The following SCRG1 variants were observed in gnomAD, a reference collection of about 807,000 sequenced individuals.
SCRG1 encodes stimulator of chondrogenesis 1, also known as scrapie-responsive protein 1.
In SCRG1, 3 loss-of-function variants were observed where a neutral mutation model predicts 7.7. That is an observed-to-expected ratio of 0.39 (90% CI 0.18 to 1.01). The LOEUF is 1.01. SCRG1 is among the 50% of genes least tolerant of loss of function. The pLI is 0.36. For synonymous variants in SCRG1, 46 were observed against 41.2 expected (o/e 1.12, Z -0.44); for missense variants, 110 against 117.2 (o/e 0.94, Z 0.28).
chr4:173,462,148 G>A, the SCRG1 span, among the ~76,000 whole-genome samples: 1 of 152,138 alleles, frequency 6.6e-6, no homozygotes, highest in Non-Finnish European at 1.5e-5. Context: ...TATTCAAACG[G>A]ATAATAGAAA....
chr4:173,429,227 G>T, the SCRG1 span, among the ~76,000 whole-genome samples: 9 of 152,218 alleles, frequency 5.9e-5, no homozygotes, highest in Non-Finnish European at 1.0e-4. Flanking sequence ...TTGCAAAACT[G>T]ATTTCAAGGA....
chr4:173,505,631 T>C, the SCRG1 span, among the ~76,000 whole-genome samples: 1 of 152,202 alleles, frequency 6.6e-6, no homozygotes, highest in Non-Finnish European at 1.5e-5. The surrounding 1 kb of genome is among the most constrained non-coding windows in gnomAD (Gnocchi z 4.4). Flanking sequence ...CCTTTCTTGC[T>C]TCCTAGGTTT....
At chr4:173,501,966 G>C in the SCRG1 span, among the ~76,000 whole-genome samples, 1 of 152,064 alleles carries the variant, frequency 6.6e-6, no homozygotes, top group Non-Finnish European at 1.5e-5. This position sits in a 1 kb window ranked among gnomAD's most constrained non-coding sequence, Gnocchi z 5.1. Context: ...GTTCTTTGGG[G>C]GATACAAGAC....
chr4:173,468,303 A>ATAGCCTAGGTATATTG, the SCRG1 span: 50 of 152,402 alleles, frequency 3.3e-4, no homozygotes, highest in African/African-American at 1.2e-3. Flanking sequence ...GCTATACTAT[A>ATAGCCTAGGTATATTG]TAGCCTAGGT....
At chr4:173,390,479 T>G (rs909013007) in intron 2 of SCRG1, among the ~76,000 whole-genome samples, 5 of 148,352 alleles carry the variant, frequency 3.4e-5, no homozygotes, top group Admixed American at 6.7e-5. Flanking sequence ...TTCGTTTTTT[T>G]TTTTTTTTTT....
Position 173,387,624 on chromosome 4 carries a change from G to A in SCRG1, c.*717C>T. ...GCCTCCCAAAATGCTAGGATTACAGGCATTAGTCACCAGTCCCAGCCTGAA... is the reference window on the plus strand; with the variant it reads ...GCCTCCCAAAATGCTAGGATTACAGACATTAGTCACCAGTCCCAGCCTGAA... On this transcript the variant is annotated 3_prime_UTR_variant, in exon 3 of 3. Transcript: ENST00000296506. 6.6e-6 allele frequency: 1 copy of A among 151,148 alleles called. No individual in the cohort carries two copies. Among genetic ancestry groups the A allele is most frequent in the Non-Finnish European group, 1.5e-5 (1 of 67,984 alleles). The allele number at this position is 151,148 out of a possible 1,614,324, so 9.4% of individuals were successfully genotyped here.
At chr4:173,456,034 G>A in the SCRG1 span, among the ~76,000 whole-genome samples, 1 of 152,112 alleles carries the variant, frequency 6.6e-6, no homozygotes, top group African/African-American at 2.4e-5. Context: ...AGGGGAACCC[G>A]GTCTAATAGC....
chr4:173,386,301 A>ATTTTTTTTTTTTTTTTTT lies in SCRG1; in HGVS notation c.*2022_*2039dup, dbSNP rs11302799. 16 of 116,994 alleles carry ATTTTTTTTTTTTTTTTTT rather than the reference A, an allele frequency of 1.4e-4. No individual in the cohort carries two copies. Among genetic ancestry groups the ATTTTTTTTTTTTTTTTTT allele is most frequent in the African/African-American group, 4.6e-4 (15 of 32,568 alleles). 7.2% of individuals were successfully genotyped at this position (116,994 alleles called of 1,614,324 possible). A position where few individuals can be genotyped will look rare whatever the true frequency, so the allele number is the denominator to read the frequency against. On this transcript the variant is annotated 3_prime_UTR_variant, in exon 3 of 3. Transcript: ENST00000296506. ...AGGCGCCTGCCACCACGCCCAGCTA[A>ATTTTTTTTTTTTTTTTTT]TTTTTTTTTTTTTTTTTTTTGTATT...
At chr4:173,411,906 G>A in the SCRG1 span, among the ~76,000 whole-genome samples, 1 of 152,206 alleles carries the variant, frequency 6.6e-6, no homozygotes, top group Non-Finnish European at 1.5e-5. Flanking sequence ...GCCTCAGCAG[G>A]AGAGTGATTG....
chr4:173,514,770 G>T, the SCRG1 span, among the ~76,000 whole-genome samples: 1 of 152,174 alleles, frequency 6.6e-6, no homozygotes, highest in African/African-American at 2.4e-5. Flanking sequence ...TCATTCTTTT[G>T]TTTATGTCTC....
the SCRG1 span, among the ~76,000 whole-genome samples, chr4:173,426,602 A>T: frequency 1.3e-5 from 2 of 152,186 alleles, no homozygotes; most frequent in Admixed American, 6.5e-5. Flanking sequence ...AGCTGGAAGT[A>T]CATGTGTGCT....
At chr4:173,485,055 T>TCA in the SCRG1 span, among the ~76,000 whole-genome samples, 6 of 23,610 alleles carry the variant, frequency 2.5e-4, 1 homozygote, top group African/African-American at 1.2e-3. Flanking sequence ...ATATAATATA[T>TCA]TATATATTAT....
the SCRG1 span, among the ~76,000 whole-genome samples, chr4:173,474,974 C>T: frequency 4.8e-4 from 73 of 150,644 alleles, no homozygotes; most frequent in South Asian, 3.1e-3. Flanking sequence ...CATGTCTCCT[C>T]CATTCAATTA....
the SCRG1 span, among the ~76,000 whole-genome samples, chr4:173,479,974 A>C: frequency 8.5e-3 from 1,287 of 152,070 alleles, 3 homozygotes; most frequent in Non-Finnish European, 0.012. Flanking sequence ...ATTTTTATTA[A>C]AAATTTTTTT....
the SCRG1 span, among the ~76,000 whole-genome samples, chr4:173,421,803 G>A: frequency 7.2e-5 from 11 of 152,240 alleles, no homozygotes; most frequent in African/African-American, 2.6e-4. Flanking sequence ...TGGGAGGATG[G>A]GGAAGATCAC....
the SCRG1 span, among the ~76,000 whole-genome samples, chr4:173,429,175 G>A: frequency 1.3e-5 from 2 of 152,176 alleles, no homozygotes; most frequent in African/African-American, 2.4e-5. Flanking sequence ...CCCAGGGACA[G>A]CTGGATTTCT....
chr4:173,460,421 A>C, the SCRG1 span, among the ~76,000 whole-genome samples: 1 of 152,180 alleles, frequency 6.6e-6, no homozygotes, highest in Non-Finnish European at 1.5e-5. Context: ...CTTTCACTTG[A>C]GGAGAGGAGA....
chr4:173,411,737 G>A, the SCRG1 span, among the ~76,000 whole-genome samples: 1 of 152,006 alleles, frequency 6.6e-6, no homozygotes, highest in South Asian at 2.1e-4. Context: ...AATCATTATT[G>A]ATTTTTAGAA....
At chr4:173,483,526 T>A in the SCRG1 span, among the ~76,000 whole-genome samples, 46 of 90,376 alleles carry the variant, frequency 5.1e-4, 5 homozygotes, top group African/African-American at 2.7e-3. Flanking sequence ...ATATATTATA[T>A]ATTGTATTAT....
Sources: gnomAD v4.1 joint callset for allele counts (sites outside exome capture counted in the v4.1 genomes callset) on GRCh38, gnomAD v4.1.1 for gene constraint, Gnocchi (gnomAD v3.1) non-coding constraint, MANE v1.5 for transcripts, NCBI Gene and HGNC (gene_info 2026-07-23, HGNC 2026-07-21) for gene names.